PYCR3: variants seen among roughly 807,000 people sequenced by gnomAD.
PYCR3 encodes the protein pyrroline-5-carboxylate reductase 3.
In PYCR3, 26 loss-of-function variants were observed where a neutral mutation model predicts 23.4. That is an observed-to-expected ratio of 1.11 (90% CI 0.81 to 1.54). The LOEUF (loss-of-function observed/expected upper bound fraction) is 1.54. PYCR3 is among the 40% of genes most tolerant of loss of function. PYCR3 has a pLI of 0.00. For synonymous variants in PYCR3, 194 were observed against 162.6 expected, an observed-to-expected ratio of 1.19 and a Z score of -1.47; for missense variants, 360 against 376.3, an observed-to-expected ratio of 0.96 and a Z score of 0.36.
In PYCR3 at chr8:143,606,978, C is replaced by A; in HGVS notation, c.311G>T (p.Gly104Val). Residue 104 changes from glycine (G) to valine (V), a missense_variant, in exon 3 of 6, where the codon GGG becomes GTG. Gly to Val is a moderately radical substitution (Grantham distance 109). Coordinates refer to ENST00000495276, the MANE Select transcript of PYCR3 (RefSeq NM_023078.6). ...CTCCTCCAGGGTGCTCAGAGACACC[C>A]CAGCAGCCACGGACACCAAGATGTG... is the stretch of plus-strand genomic sequence containing the variant. ...TEHILVSVAA[G>V]VSLSTLEELL... 6.2e-7 allele frequency: 1 copy of A among 1,608,146 alleles called. No individual in the cohort carries two copies. Among genetic ancestry groups the A allele is most frequent in the Non-Finnish European group, 8.5e-7 (1 of 1,175,976 alleles).
Position 143,605,388 on chromosome 8 carries a change from G to A in PYCR3, c.*312C>T, listed in dbSNP as rs1016030486. 1.2e-5 allele frequency: 5 copies of A among 429,332 alleles called. No homozygotes were observed. The highest frequency in any genetic ancestry group is 3.8e-5 in the East Asian group (1 of 26,560). 26.6% of individuals were successfully genotyped at this position (429,332 alleles called of 1,614,324 possible). A position where few individuals can be genotyped will look rare whatever the true frequency, so the allele number is the denominator to read the frequency against. The stretch of plus-strand genomic sequence containing the variant: ...GCCTCAACCAACTGCCCAACCATGC[G>A]GGCAAATGACCAAGACGCCATCTCT... On this transcript the variant is annotated 3_prime_UTR_variant, in exon 6 of 6. Transcript: ENST00000495276.
Position 143,605,548 on chromosome 8 carries a change from C to G in PYCR3, c.*152G>C. 2 of 742,132 alleles carry G rather than the reference C, an allele frequency of 2.7e-6. No individual in the cohort carries two copies. The highest frequency in any genetic ancestry group is 4.0e-5 in the South Asian group (2 of 50,568). 46.0% of individuals were successfully genotyped at this position (742,132 alleles called of 1,614,324 possible). A position where few individuals can be genotyped will look rare whatever the true frequency, so the allele number is the denominator to read the frequency against. On this transcript the variant is annotated 3_prime_UTR_variant, in exon 6 of 6. Coordinates refer to ENST00000495276, the MANE Select transcript of PYCR3 (RefSeq NM_023078.6). ...TCGGGGCTCCCCCGCCTGCTGGAAC[C>G]TCCCAAGTCCTGCCCCCTGCATTTC...
intron 1 of PYCR3, chr8:143,608,886 G>T (rs1336613105): frequency 4.4e-6 from 2 of 456,620 alleles, no homozygotes; most frequent in African/African-American, 4.0e-5. Context: ...GCTGAAGGCA[G>T]AGAGTCAAAA....
chr8:143,603,566 C>T lies in PYCR3; in HGVS notation c.*2134G>A, dbSNP rs149159730. 2.6e-4 allele frequency among the ~76,000 whole-genome samples: 40 copies of T among 152,302 alleles called. No homozygotes were observed. The East Asian group carries it at 6.4e-3, about 24-fold the overall frequency. ...GCTTGTCAGAGGTCCCAGGGGGAGA[C>T]AGGTGTTGGTGCAAAGTCAATGATT... On this transcript the variant is annotated 3_prime_UTR_variant, in exon 6 of 6. Coordinates refer to ENST00000495276, the MANE Select transcript of PYCR3 (RefSeq NM_023078.6).
rs1174422260 is a variant in PYCR3 at position 143,606,534 on chromosome 8, C to A, written c.482G>T (p.Arg161Leu). The A allele has an allele frequency of 6.2e-7, 1 of 1,612,972 alleles. No individual in the cohort carries two copies. Among genetic ancestry groups the A allele is most frequent in the South Asian group, 1.1e-5 (1 of 91,084 alleles). The change falls in exon 4 of 6, where the codon CGG becomes CTG. Residue 161 changes from arginine (R) to leucine (L), a missense_variant. By Grantham distance (102) the Arg-to-Leu change is moderately radical. Coordinates refer to ENST00000495276, the MANE Select transcript of PYCR3 (RefSeq NM_023078.6). Reference sequence around the variant, plus strand: ...GTAGGCTTCAGGCACCTCCTCACACCGCCCACAGGCCTCCAGCAGATGCTG... The same window carrying A: ...GTAGGCTTCAGGCACCTCCTCACACAGCCCACAGGCCTCCAGCAGATGCTG... ...LLQHLLEACG[R>L]CEEVPEAYVD... is the part of the protein sequence containing the mutation.
Position 143,604,206 on chromosome 8 carries a change from A to G in PYCR3, c.*1494T>C, listed in dbSNP as rs1212630426. 1 of 152,128 alleles carries G rather than the reference A, an allele frequency of 6.6e-6. No homozygotes were observed. The highest frequency in any genetic ancestry group is 2.4e-5 in the African/African-American group (1 of 41,420). The allele number at this position is 152,128 out of a possible 1,614,324, so 9.4% of individuals were successfully genotyped here. A position where few individuals can be genotyped will look rare whatever the true frequency, so the allele number is the denominator to read the frequency against. On this transcript the variant is annotated 3_prime_UTR_variant, in exon 6 of 6. Transcript: ENST00000495276. ...TGGGCCCAGCCCAGAACTTGGTTTT[A>G]TCCACCTCTGGTGAAACATGAGCTC... is the stretch of plus-strand genomic sequence containing the variant.
chr8:143,608,692 A>C, intron 1 of PYCR3: 1 of 376,942 alleles, frequency 2.7e-6, no homozygotes, highest in South Asian at 1.9e-5. Flanking sequence ...TGAACACAGC[A>C]ATTAATCATG....
chr8:143,606,869 G>C, intron 3 of PYCR3, 84 bp downstream of exon 3: 2 of 1,470,846 alleles, frequency 1.4e-6, no homozygotes, highest in Non-Finnish European at 1.8e-6. Flanking sequence ...CCACCTCTCA[G>C]GCTCTCTGGG....
At position 143,603,640 on chromosome 8, in the gene PYCR3, C is replaced by T. The variant is rs997357279; in HGVS notation, c.*2060G>A. Reference sequence around the variant, plus strand: ...TGAATGCAGGTGGCCGTCAGAAGGGCTGTCCACCTTCCTTCAGGGGGCCGC... The same window carrying T: ...TGAATGCAGGTGGCCGTCAGAAGGGTTGTCCACCTTCCTTCAGGGGGCCGC... On this transcript the variant is annotated 3_prime_UTR_variant, in exon 6 of 6. Coordinates refer to ENST00000495276, the MANE Select transcript of PYCR3 (RefSeq NM_023078.6). 3.3e-5 allele frequency among the ~76,000 whole-genome samples: 5 copies of T among 152,206 alleles called. No individual in the cohort carries two copies. The highest frequency in any genetic ancestry group is 1.2e-4 in the African/African-American group (5 of 41,454).
At chr8:143,609,050 G>T (rs902794117) in intron 1 of PYCR3, among the ~76,000 whole-genome samples, 3 of 152,266 alleles carry the variant, frequency 2.0e-5, no homozygotes, top group Non-Finnish European at 4.4e-5. Context: ...ACATTCGGCA[G>T]TGTCTGGAGG....
chr8:143,607,479 C>T (rs960642618), intron 2 of PYCR3, among the ~76,000 whole-genome samples: 1 of 152,172 alleles, frequency 6.6e-6, no homozygotes, highest in African/African-American at 2.4e-5. Flanking sequence ...AGCATACATA[C>T]ACATGTACAC....
intron 1 of PYCR3, 30 bp from the exon 2 acceptor site, chr8:143,608,156 G>A (rs1318573284): frequency 1.3e-6 from 2 of 1,577,616 alleles, no homozygotes; most frequent in Admixed American, 1.7e-5. Flanking sequence ...AAGAGGGGTT[G>A]GTGAAGGGGT....
chr8:143,607,045 G>T lies in PYCR3; in HGVS notation c.244C>A (p.Pro82Thr). The T allele has an allele frequency of 6.2e-7, 1 of 1,613,264 alleles. No homozygotes were observed. The highest frequency in any genetic ancestry group is 8.5e-7 in the Non-Finnish European group (1 of 1,179,890). The part of the protein sequence containing the change: ...VIFATKPHVL[P>T]AVLAEVAPVV... ...GGAGCCACCTCTGCCAGGACAGCTG[G>T]CAGCACATGAGGCTTGGTGGCAAAG... Residue 82 changes from proline (P) to threonine (T), a missense_variant, in exon 3 of 6, where the codon CCA (proline) becomes ACA (threonine). Pro to Thr is a conservative substitution (Grantham distance 38). Transcript: ENST00000495276.
rs1427695887 is a variant in PYCR3 at position 143,604,559 on chromosome 8, C to T, written c.*1141G>A. 9 of 299,092 alleles carry T rather than the reference C, an allele frequency of 3.0e-5. No homozygotes were observed. Among genetic ancestry groups the T allele is most frequent in the Non-Finnish European group, 5.8e-5 (9 of 154,370 alleles). 18.5% of individuals were successfully genotyped at this position (299,092 alleles called of 1,614,324 possible). On this transcript the variant is annotated 3_prime_UTR_variant, in exon 6 of 6. Transcript: ENST00000495276. ...ACCCGCCGCCCAGCCTCGCTGAGGG[C>T]ATGCTCCCGCCTCACCTCCAGAGGC...
chr8:143,603,598 T>C lies in PYCR3; in HGVS notation c.*2102A>G, dbSNP rs758738972. 1.1e-4 allele frequency among the ~76,000 whole-genome samples: 17 copies of C among 152,294 alleles called. No individual in the cohort carries two copies. The highest frequency in any genetic ancestry group is 2.4e-4 in the Non-Finnish European group (16 of 68,014). ...TGGTGCAAAGTCAATGATTTCTCCT[T>C]GCAGATGGGCTTGGTGTGAATGCAG... On this transcript the variant is annotated 3_prime_UTR_variant, in exon 6 of 6. Coordinates refer to ENST00000495276, the MANE Select transcript of PYCR3 (RefSeq NM_023078.6).
Position 143,607,426 on chromosome 8 carries a change from G to A in PYCR3, c.157-294C>T, listed in dbSNP as rs1188967662. Among the ~76,000 whole-genome samples the A allele has an allele frequency of 2.0e-5, 3 of 151,912 alleles. 1 individual carries two copies. Among genetic ancestry groups the A allele is most frequent in the Non-Finnish European group, 4.4e-5 (3 of 67,992 alleles). On this transcript the variant is annotated intron_variant, in intron 2 of 5. Coordinates refer to ENST00000495276, the MANE Select transcript of PYCR3 (RefSeq NM_023078.6). ...CACCCATGCACATGCACGCACTCAC[G>A]AGCATGCATTCATATACACACACGC...
rs138226068 is a variant in PYCR3, at chr8:143,605,771, C to T, written c.754G>A (p.Gly252Arg). 34 of 1,611,198 alleles carry T rather than the reference C, an allele frequency of 2.1e-5. No homozygotes were observed. The African/African-American group carries it at 2.9e-4, about 14-fold the overall frequency. ...IYGLHALEQG[G>R]LRAATMSAVE... Reference sequence around the variant, plus strand: ...GCGCTCATGGTGGCTGCTCGCAGCCCGCCCTGCTCCAGGGCGTGGAGTCCA... The same window carrying T: ...GCGCTCATGGTGGCTGCTCGCAGCCTGCCCTGCTCCAGGGCGTGGAGTCCA... The change falls in exon 6 of 6, where the codon GGG (glycine) becomes AGG (arginine). Residue 252 changes from glycine to arginine, a missense_variant. Physicochemically the swap from Gly to Arg is moderately radical, Grantham distance 125. Transcript: ENST00000495276.
rs1222879232 is a variant in PYCR3, at chr8:143,609,487, C to T, written c.62G>A (p.Gly21Glu). The T allele has an allele frequency of 5.9e-6, 9 of 1,513,520 alleles. No homozygotes were observed. Among genetic ancestry groups the T allele is most frequent in the Non-Finnish European group, 7.9e-6 (9 of 1,138,674 alleles). 93.8% of individuals were successfully genotyped at this position (1,513,520 alleles called of 1,614,324 possible). A position where few individuals can be genotyped will look rare whatever the true frequency, so the allele number is the denominator to read the frequency against. Residue 21 changes from glycine to glutamate, a missense_variant, in exon 1 of 6, where the codon GGG (glycine) becomes GAG (glutamate). Coordinates refer to ENST00000495276, the MANE Select transcript of PYCR3 (RefSeq NM_023078.6). ...VGFVGAGRMA[G>E]AIAQGLIRAG... ...TCTGATGAGGCCCTGCGCGATGGCC[C>T]CCGCCATGCGGCCCGCGCCCACGAA...
chr8:143,609,380 G>GC (rs1829483299), intron 1 of PYCR3, 78 bp downstream of exon 1: 1 of 1,365,796 alleles, frequency 7.3e-7, no homozygotes, highest in Non-Finnish European at 9.4e-7. Context: ...CGCGCCCCCG[G>GC]CCCCACTCTC....
Sources: allele counts gnomAD v4.1 joint callset (sites outside exome capture counted in the v4.1 genomes callset), GRCh38; gene constraint gnomAD v4.1.1; transcripts MANE v1.5; gene names NCBI Gene and HGNC (gene_info 2026-07-23, HGNC 2026-07-21).